Variants in XKR6 observed in about 807,000 individuals in gnomAD.
XKR6 encodes the protein XK-related protein 6.
In XKR6, 22 loss-of-function variants were observed where a neutral mutation model predicts 56.7. The observed-to-expected ratio is 0.39, with a 90% CI of 0.28 to 0.55. The LOEUF (loss-of-function observed/expected upper bound fraction) is 0.55, where lower values mean the gene tolerates loss of function less well. XKR6 is among the 20% of genes least tolerant of loss of function. The pLI is 0.66. For synonymous variants in XKR6, 524 were observed against 387.8 expected, an observed-to-expected ratio of 1.35 and a Z score of -4.13; for missense variants, 852 against 889.0, an observed-to-expected ratio of 0.96 and a Z score of 0.53.
intron 1 of XKR6, among the ~76,000 whole-genome samples, chr8:11,092,492 G>T (rs1798105619): frequency 6.6e-6 from 1 of 152,186 alleles, no homozygotes; most frequent in Non-Finnish European, 1.5e-5. Context: ...GACCCTGGCT[G>T]GAAAGATCTG....
chr8:10,989,029 AG>A (rs1563330782), intron 1 of XKR6, among the ~76,000 whole-genome samples: 1 of 152,222 alleles, frequency 6.6e-6, no homozygotes, highest in Non-Finnish European at 1.5e-5. Context: ...ATATGCCCAT[AG>A]GCAAGCTACA....
chr8:11,033,931 A>G, intron 1 of XKR6, among the ~76,000 whole-genome samples: 1 of 152,206 alleles, frequency 6.6e-6, no homozygotes, highest in Non-Finnish European at 1.5e-5. Context: ...AGGCCTGCAG[A>G]GAAGCAGCTT....
Position 10,898,955 on chromosome 8 carries a change from G to A in XKR6, c.962-39C>T. The A allele has an allele frequency of 6.5e-7, 1 of 1,550,108 alleles. No individual in the cohort carries two copies. Among genetic ancestry groups the A allele is most frequent in the Non-Finnish European group, 8.7e-7 (1 of 1,153,268 alleles). ...ACAAACCCACACAGTCAAAACCTTG[G>A]ACATCAACCGCAGGGCACAGTGAAG... On this transcript the variant is annotated intron_variant, in intron 2 of 2. Transcript: ENST00000416569. This position sits in a 1 kb window ranked among gnomAD's most constrained non-coding sequence, Gnocchi z 6.6.
chr8:11,136,504 CAAA>C (rs34465755), intron 1 of XKR6, among the ~76,000 whole-genome samples: 25 of 111,368 alleles, frequency 2.2e-4, no homozygotes, highest in African/African-American at 3.1e-4. Flanking sequence ...AACTCTGTCT[CAAA>C]AAAAAAAAAA....
chr8:11,122,658 A>G (rs961158736), intron 1 of XKR6, among the ~76,000 whole-genome samples: 10 of 152,382 alleles, frequency 6.6e-5, no homozygotes, highest in Admixed American at 1.3e-4. Context: ...TTGGTAAATA[A>G]TGTAATTGTT....
chr8:11,164,978 TAC>T (rs1466161333), intron 1 of XKR6, among the ~76,000 whole-genome samples: 2 of 151,450 alleles, frequency 1.3e-5, no homozygotes, highest in Non-Finnish European at 2.9e-5. Flanking sequence ...TGTGCTTAAG[TAC>T]ACCAAAGAAC....
At chr8:11,084,331 T>C (rs1316276039) in intron 1 of XKR6, among the ~76,000 whole-genome samples, 1 of 152,226 alleles carries the variant, frequency 6.6e-6, no homozygotes, top group African/African-American at 2.4e-5. Flanking sequence ...ATTTCAGCCA[T>C]GCTTGACTTT....
chr8:11,048,839 C>T (rs571118783), intron 1 of XKR6, among the ~76,000 whole-genome samples: 76 of 152,322 alleles, frequency 5.0e-4, no homozygotes, highest in African/African-American at 1.7e-3. Context: ...TCTGTCCTCT[C>T]GCTGGCCTCC....
At chr8:11,103,727 G>C (rs1229344105) in intron 1 of XKR6, among the ~76,000 whole-genome samples, 2 of 152,130 alleles carry the variant, frequency 1.3e-5, no homozygotes, top group Non-Finnish European at 2.9e-5. Flanking sequence ...CTGTGTCAAG[G>C]TACCCAGTCA....
At chr8:11,016,616 G>A (rs1026525975) in intron 1 of XKR6, among the ~76,000 whole-genome samples, 1 of 152,174 alleles carries the variant, frequency 6.6e-6, no homozygotes, top group Non-Finnish European at 1.5e-5. Flanking sequence ...CGGGCCCTCG[G>A]TAGGGGGCGT....
At chr8:10,947,622 C>A (rs1409710956) in intron 1 of XKR6, among the ~76,000 whole-genome samples, 1 of 152,178 alleles carries the variant, frequency 6.6e-6, no homozygotes, top group East Asian at 1.9e-4. Flanking sequence ...CACAGTGTAG[C>A]CCCCGGGGCC....
chr8:10,918,676 T>A (rs902748979), intron 2 of XKR6, among the ~76,000 whole-genome samples: 15 of 152,224 alleles, frequency 9.9e-5, no homozygotes, highest in Non-Finnish European at 2.1e-4. Context: ...CCTATGTTTG[T>A]GCAGAACCAT....
At chr8:10,963,627 G>C (rs1452386159) in intron 1 of XKR6, among the ~76,000 whole-genome samples, 1 of 151,260 alleles carries the variant, frequency 6.6e-6, no homozygotes, top group Non-Finnish European at 1.5e-5. Context: ...CTGCATCCTC[G>C]ACCTCCCAGG....
intron 1 of XKR6, among the ~76,000 whole-genome samples, chr8:11,096,837 A>G (rs564941740): frequency 1.1e-3 from 162 of 152,372 alleles, no homozygotes; most frequent in African/African-American, 3.8e-3. Context: ...TACCATATGA[A>G]GAATATGCAT....
At chr8:10,945,632 A>G (rs1344849779) in intron 1 of XKR6, among the ~76,000 whole-genome samples, 1 of 152,250 alleles carries the variant, frequency 6.6e-6, no homozygotes, top group Non-Finnish European at 1.5e-5. Context: ...TATCTCTGAT[A>G]TGAGGCACAC....
intron 1 of XKR6, among the ~76,000 whole-genome samples, chr8:11,094,073 C>G (rs556004066): frequency 1.4e-5 from 2 of 139,944 alleles, no homozygotes; most frequent in Non-Finnish European, 3.0e-5. Context: ...CGTGAGCCAC[C>G]GCGCCCGGCC....
chr8:11,142,832 G>C (rs1183396685), intron 1 of XKR6, among the ~76,000 whole-genome samples: 2 of 152,278 alleles, frequency 1.3e-5, no homozygotes, highest in South Asian at 4.1e-4. Flanking sequence ...GGAACAATGT[G>C]AGCTTCAATG....
In XKR6 at chr8:11,012,139, C is replaced by T. The variant is rs577028696; in HGVS notation, c.765-87309G>A. ...GGAGTCCGCCTACCTCAACTGTGCC[C>T]AGGGCCAGCACTGCAGAAGCTACCA... is the stretch of plus-strand genomic sequence containing the variant. On this transcript the variant is annotated intron_variant, in intron 1 of 2. Coordinates refer to ENST00000416569, the MANE Select transcript of XKR6 (RefSeq NM_173683.4). 2.6e-5 allele frequency among the ~76,000 whole-genome samples: 4 copies of T among 152,268 alleles called. No homozygotes were observed. The East Asian group carries it at 5.8e-4, about 22-fold the overall frequency.
chr8:11,126,713 C>T (rs1011363869), intron 1 of XKR6, among the ~76,000 whole-genome samples: 1 of 152,184 alleles, frequency 6.6e-6, no homozygotes, highest in Non-Finnish European at 1.5e-5. Context: ...TCTCTGGAGT[C>T]AGTTTCAAAG....
Sources: allele counts gnomAD v4.1 joint callset (sites outside exome capture counted in the v4.1 genomes callset), GRCh38; gene constraint gnomAD v4.1.1; non-coding constraint Gnocchi (gnomAD v3.1); transcripts MANE v1.5; gene names NCBI Gene and HGNC (gene_info 2026-07-23, HGNC 2026-07-21).